The following IFI44L variants were observed in gnomAD, a reference collection of about 807,000 sequenced individuals.
IFI44L encodes the protein interferon-induced protein 44-like.
A neutral mutation model predicts 39.3 loss-of-function variants in IFI44L; 40 were observed. The observed-to-expected ratio is 1.02, with a 90% confidence interval of 0.79 to 1.33. The LOEUF (loss-of-function observed/expected upper bound fraction) is 1.33, where lower values mean the gene tolerates loss of function less well. Ranked by LOEUF, IFI44L falls within the 40% of genes most tolerant of loss-of-function variation. IFI44L has a pLI of 0.00. For synonymous variants in IFI44L, 198 were observed against 182.3 expected, an observed-to-expected ratio of 1.09 and a Z score of -0.69; for missense variants, 623 against 549.0, an observed-to-expected ratio of 1.13 and a Z score of -1.35.
intron 4 of IFI44L, chr1:78,631,551 T>C (rs1652749433): frequency 6.6e-6 from 1 of 152,208 alleles, no homozygotes; most frequent in South Asian, 2.1e-4. Context: ...GAAATCCTTT[T>C]CTTTGCAATC....
At chr1:78,623,735 G>A (rs562525675) in intron 1 of IFI44L, among the ~76,000 whole-genome samples, 1 of 152,208 alleles carries the variant, frequency 6.6e-6, no homozygotes, top group East Asian at 1.9e-4. Context: ...CCTGGGAACT[G>A]TGGGAACTGA....
rs1646991065 is a variant in IFI44L at position 78,641,886 on chromosome 1, C to T, written c.*77C>T. On this transcript the variant is annotated 3_prime_UTR_variant, in exon 9 of 9. Coordinates refer to ENST00000370751, the MANE Select transcript of IFI44L (RefSeq NM_006820.4). ...AATGAGAGTCAATCTCTATTGACAG[C>T]CTGCTTCAGATTTTGCTTTTGTTCG... 6 of 1,485,644 alleles carry T rather than the reference C, an allele frequency of 4.0e-6. No homozygotes were observed. In the Admixed American group the frequency reaches 5.0e-5, roughly 12 times the overall value. 92.0% of individuals were successfully genotyped at this position (1,485,644 alleles called of 1,614,324 possible).
chr1:78,630,026 A>G, intron 4 of IFI44L, 111 bp downstream of exon 4: 1 of 1,037,416 alleles, frequency 9.6e-7, no homozygotes, highest in Non-Finnish European at 1.5e-6. Context: ...TGCTAAATCA[A>G]ATGGAAAATA....
Position 78,637,122 on chromosome 1 carries a change from T to G in IFI44L, c.967T>G (p.Leu323Val), listed in dbSNP as rs1275886754. The G allele has an allele frequency of 8.7e-6, 14 of 1,608,092 alleles. No homozygotes were observed. Among genetic ancestry groups the G allele is most frequent in the Non-Finnish European group, 1.1e-5 (13 of 1,177,290 alleles). Reference protein sequence around the residue: ...KDRIHCVAYVLDINSIDNLYS... With the variant: ...KDRIHCVAYVVDINSIDNLYS... ...CAGGATTCACTGTGTGGCTTATGTC[T>G]TAGACATCAACTCTATTGACAATCT... is the stretch of plus-strand genomic sequence containing the variant. The change falls in exon 6 of 9, where the codon TTA (leucine) becomes GTA (valine). Residue 323 changes from leucine to valine, a missense_variant. Coordinates refer to ENST00000370751, the MANE Select transcript of IFI44L (RefSeq NM_006820.4).
intron 6 of IFI44L, among the ~76,000 whole-genome samples, chr1:78,639,529 C>T (rs77092714): frequency 6.6e-6 from 1 of 151,994 alleles, no homozygotes; most frequent in Non-Finnish European, 1.5e-5. Context: ...TCTCCAAAAG[C>T]CAATCTGGGA....
At position 78,628,330 on chromosome 1, in the gene IFI44L, A is replaced by C; in HGVS notation, c.415A>C (p.Asn139His). The change falls in exon 2 of 9, where the codon AAC becomes CAC. Residue 139 changes from asparagine (N) to histidine (H), a missense_variant. Transcript: ENST00000370751. ...KIYLDKMITR[N>H]LKLRFYGHRQ... The stretch of plus-strand genomic sequence containing the variant: ...TTATCTAGATAAAATGATAACAAGA[A>C]ACTTGAAACTAAGGTTTTATGGCCA... The C allele has an allele frequency of 6.3e-7, 1 of 1,599,774 alleles. No individual in the cohort carries two copies. Among genetic ancestry groups the C allele is most frequent in the Non-Finnish European group, 8.5e-7 (1 of 1,174,424 alleles).
chr1:78,641,109 T>C lies in IFI44L; in HGVS notation c.1137T>C (p.Thr379=), dbSNP rs113095476. ...DNFLNMSRSM[T]SQSRVMNVHK... Reference sequence around the variant, plus strand: ...TTTTAAACATGAGTAGATCTATGACTTCTCAAAGCCGGGTAAAAAATGCTG... The same window carrying C: ...TTTTAAACATGAGTAGATCTATGACCTCTCAAAGCCGGGTAAAAAATGCTG... The change falls in exon 7 of 9, where the codon ACT becomes ACC. Residue 379 remains threonine (T), a synonymous_variant. Coordinates refer to ENST00000370751, the MANE Select transcript of IFI44L (RefSeq NM_006820.4). 24 of 1,609,572 alleles carry C rather than the reference T, an allele frequency of 1.5e-5. 1 individual carries two copies. In the African/African-American group the frequency reaches 2.0e-4, roughly 13 times the overall value.
At position 78,635,428 on chromosome 1, in the gene IFI44L, C is replaced by A; in HGVS notation, c.815C>A (p.Ala272Glu). Reference sequence around the variant, plus strand: ...ATGGGGCTAGATGGGGCAGAAGGAGCAGGACTGTGCATGGATGACATTCCC... The same window carrying A: ...ATGGGGCTAGATGGGGCAGAAGGAGAAGGACTGTGCATGGATGACATTCCC... ...DTMGLDGAEGAGLCMDDIPHI... is the reference protein window; with the variant it reads ...DTMGLDGAEGEGLCMDDIPHI... The change falls in exon 5 of 9, where the codon GCA (alanine) becomes GAA (glutamate). Residue 272 changes from alanine to glutamate, a missense_variant. Ala to Glu is a moderately radical substitution (Grantham distance 107). Transcript: ENST00000370751. The A allele has an allele frequency of 1.2e-6, 2 of 1,613,494 alleles. No homozygotes were observed. Among genetic ancestry groups the A allele is most frequent in the Non-Finnish European group, 8.5e-7 (1 of 1,179,596 alleles).
At chr1:78,624,102 C>T (rs887012424) in intron 1 of IFI44L, among the ~76,000 whole-genome samples, 1 of 152,008 alleles carries the variant, frequency 6.6e-6, no homozygotes, top group Non-Finnish European at 1.5e-5. Flanking sequence ...AGCGATTCTC[C>T]TACTTCAGCC....
In IFI44L at chr1:78,621,503, C is replaced by T. The variant is rs544168155; in HGVS notation, c.-11+932C>T. Among the ~76,000 whole-genome samples, 118 of 152,110 alleles carry T rather than the reference C, an allele frequency of 7.8e-4. 1 individual carries two copies. Among genetic ancestry groups the T allele is most frequent in the African/African-American group, 2.6e-3 (107 of 41,496 alleles). ...GCCAGGCTGGTCTTGAACTCCTGAC[C>T]GCAAGTGATCTGCCAGCCTCAGCCT... On this transcript the variant is annotated intron_variant, in intron 1 of 8. Transcript: ENST00000370751.
At chr1:78,635,779 G>T (rs1010009988) in intron 5 of IFI44L, 68 of 362,886 alleles carry the variant, frequency 1.9e-4, no homozygotes, top group African/African-American at 1.5e-3. Context: ...GTAAACTAAT[G>T]ATAGTCACTT....
At chr1:78,620,725 C>T (rs1157160220) in intron 1 of IFI44L, among the ~76,000 whole-genome samples, 154 bp downstream of exon 1, 2 of 152,126 alleles carry the variant, frequency 1.3e-5, no homozygotes, top group African/African-American at 4.8e-5. Flanking sequence ...TTGGAACATT[C>T]CAAATTTTCT....
chr1:78,624,420 T>C (rs1570349609), intron 1 of IFI44L, among the ~76,000 whole-genome samples: 1 of 152,344 alleles, frequency 6.6e-6, no homozygotes. Flanking sequence ...CTAGTTTCAT[T>C]ACATGGTTAT....
chr1:78,627,764 T>G, intron 1 of IFI44L, 142 bp from the exon 2 acceptor site: 1 of 399,572 alleles, frequency 2.5e-6, no homozygotes, highest in East Asian at 3.6e-5. Flanking sequence ...TTCTATATTT[T>G]TGCTATATTT....
intron 1 of IFI44L, 77 bp downstream of exon 1, chr1:78,620,648 CAATGT>C (rs1255715251): frequency 6.6e-6 from 1 of 152,148 alleles, no homozygotes; most frequent in Non-Finnish European, 1.5e-5. Context: ...TACAAGCATA[CAATGT>C]AATGACCAAA....
chr1:78,639,344 G>A (rs1466827427), intron 6 of IFI44L, among the ~76,000 whole-genome samples: 1 of 152,106 alleles, frequency 6.6e-6, no homozygotes, highest in African/African-American at 2.4e-5. Context: ...CATATCCATG[G>A]ATAGGGCTAA....
At chr1:78,621,876 AG>A (rs1323643661) in intron 1 of IFI44L, among the ~76,000 whole-genome samples, 2 of 152,112 alleles carry the variant, frequency 1.3e-5, no homozygotes, top group Non-Finnish European at 2.9e-5. Context: ...GTAATGATCA[AG>A]TCAGGGTATT....
At chr1:78,637,352 A>T in intron 6 of IFI44L, 149 bp downstream of exon 6, 1 of 604,360 alleles carries the variant, frequency 1.7e-6, no homozygotes, top group Non-Finnish European at 2.8e-6. Context: ...ATTCACAGGC[A>T]TGACTGAAGA....
At chr1:78,627,466 C>CT (rs2100480910) in intron 1 of IFI44L, 2 of 152,054 alleles carry the variant, frequency 1.3e-5, no homozygotes, top group South Asian at 4.2e-4. Context: ...CAGCCATATA[C>CT]TTTTTTAAAG....
Sources: gnomAD v4.1 joint callset for allele counts (sites outside exome capture counted in the v4.1 genomes callset) on GRCh38, gnomAD v4.1.1 for gene constraint, MANE v1.5 for transcripts, NCBI Gene and HGNC (gene_info 2026-07-23, HGNC 2026-07-21) for gene names.